HTR2C: variants seen among roughly 807,000 people sequenced by gnomAD.
The protein encoded by HTR2C is 5-hydroxytryptamine (serotonin) receptor 2C, G protein-coupled.
A neutral mutation model predicts 21.0 loss-of-function variants in HTR2C; 5 were observed. The ratio of observed to expected loss-of-function variants is 0.24; its 90% CI spans 0.12 to 0.50. The LOEUF (loss-of-function observed/expected upper bound fraction) is 0.50, where lower values mean the gene tolerates loss of function less well. Among genes scored for constraint, HTR2C ranks in the 20% least tolerant of loss-of-function variants. The probability of loss-of-function intolerance (pLI) is 0.98; values close to 1 mark genes in which losing one functional copy is unlikely to be tolerated. For missense variants in HTR2C, 271 were observed against 371.2 expected (o/e 0.73, Z 2.22); for synonymous variants, 150 against 145.3 (o/e 1.03, Z -0.23).
intron 2 of HTR2C, among the ~76,000 whole-genome samples, chrX:114,635,425 C>T (rs1311011268): frequency 9.0e-6 from 1 of 111,731 alleles, no homozygotes; most frequent in East Asian, 2.8e-4. Context: ...ATATGGTCTA[C>T]AGCGGATCAA....
chrX:114,675,445 A>G (rs1250189631), intron 2 of HTR2C, among the ~76,000 whole-genome samples: 3 of 112,267 alleles, frequency 2.7e-5, no homozygotes, highest in East Asian at 2.8e-4. Context: ...ATTTTCATCT[A>G]TGGAAGAATT....
chrX:114,586,923 G>T (rs1556389857), intron 1 of HTR2C, among the ~76,000 whole-genome samples: 2 of 111,239 alleles, frequency 1.8e-5, no homozygotes, highest in African/African-American at 6.5e-5. Context: ...ATTCTCAAAA[G>T]TTAATTTAAG....
intron 2 of HTR2C, among the ~76,000 whole-genome samples, chrX:114,689,208 G>GTGTGTATA (rs1556414750): frequency 5.5e-5 from 4 of 72,740 alleles, no homozygotes; most frequent in African/African-American, 2.2e-4. Context: ...GTATGTATGC[G>GTGTGTATA]TATATATATA....
intron 2 of HTR2C, among the ~76,000 whole-genome samples, chrX:114,725,161 G>C (rs868946983): frequency 6.2e-4 from 69 of 111,123 alleles, no homozygotes; most frequent in African/African-American, 2.0e-3. Flanking sequence ...ACCAATCAGA[G>C]GTAGATTTGG....
chrX:114,799,423 G>A (rs1454931110), intron 4 of HTR2C, among the ~76,000 whole-genome samples: 1 of 109,392 alleles, frequency 9.1e-6, no homozygotes, highest in Non-Finnish European at 1.9e-5. Context: ...GTTACAAAGA[G>A]TTAGCATGAA....
intron 5 of HTR2C, among the ~76,000 whole-genome samples, chrX:114,870,405 G>A (rs1362403046): frequency 1.8e-5 from 2 of 111,124 alleles, no homozygotes; most frequent in African/African-American, 6.5e-5. Flanking sequence ...TGATGTGTCT[G>A]TCTTTTTTTG....
chrX:114,706,464 A>T (rs1349658220), intron 2 of HTR2C, among the ~76,000 whole-genome samples: 4 of 104,329 alleles, frequency 3.8e-5, no homozygotes, highest in African/African-American at 1.4e-4. Context: ...AAGGAAAAAA[A>T]ACCAAACACC....
At chrX:114,899,078 G>A (rs782331611) in intron 5 of HTR2C, among the ~76,000 whole-genome samples, 6 of 111,946 alleles carry the variant, frequency 5.4e-5, no homozygotes, top group Non-Finnish European at 9.4e-5. Context: ...GCAGTGGTTT[G>A]TAGTTCTCCT....
At chrX:114,671,477 A>G (rs1028441818) in intron 2 of HTR2C, among the ~76,000 whole-genome samples, 25 of 111,837 alleles carry the variant, frequency 2.2e-4, no homozygotes, top group Non-Finnish European at 3.2e-4. Context: ...AATAGATTGA[A>G]AAACTCACAA....
At chrX:114,659,592 C>T (rs782766375) in intron 2 of HTR2C, among the ~76,000 whole-genome samples, 6 of 110,870 alleles carry the variant, frequency 5.4e-5, no homozygotes, top group Non-Finnish European at 9.5e-5. Flanking sequence ...AACTGTCAAA[C>T]GTTGGAAGAG....
chrX:114,678,383 C>T (rs1931637519), intron 2 of HTR2C, among the ~76,000 whole-genome samples: 1 of 110,622 alleles, frequency 9.0e-6, no homozygotes, highest in Non-Finnish European at 1.9e-5. Context: ...AACCTTCCCA[C>T]CTATATTCTT....
At chrX:114,730,187 T>C (rs1005813122) in intron 3 of HTR2C, among the ~76,000 whole-genome samples, 1 of 111,854 alleles carries the variant, frequency 8.9e-6, no homozygotes, top group Admixed American at 9.5e-5. Flanking sequence ...AGAATACTTA[T>C]GTACATAACT....
chrX:114,700,357 A>G (rs922408617), intron 2 of HTR2C, among the ~76,000 whole-genome samples: 32 of 111,994 alleles, frequency 2.9e-4, no homozygotes, highest in Non-Finnish European at 5.4e-4. Flanking sequence ...TCATTTTATT[A>G]TTGTTATTTT....
intron 2 of HTR2C, among the ~76,000 whole-genome samples, chrX:114,648,541 A>C (rs1930442545): frequency 9.0e-6 from 1 of 111,411 alleles, no homozygotes; most frequent in Non-Finnish European, 1.9e-5. Flanking sequence ...CAGCCTAGGC[A>C]ACATAATGAA....
rs1311674665 is a variant in HTR2C at position 114,743,872 on chromosome X, A to G, written c.349+12265A>G. Among the ~76,000 whole-genome samples, 4 of 112,201 alleles carry G rather than the reference A, an allele frequency of 3.6e-5. No individual in the cohort carries two copies. The Admixed American group carries it at 3.8e-4, about 11-fold the overall frequency. ...AAGTAATGAACTATTGATACACATA[A>G]TGACATGGAAGAATCCTAAAATAAT... On this transcript the variant is annotated intron_variant, in intron 4 of 5. Coordinates refer to ENST00000276198, the MANE Select transcript of HTR2C (RefSeq NM_000868.4).
At chrX:114,835,933 C>T (rs1218950849) in intron 4 of HTR2C, among the ~76,000 whole-genome samples, 3 of 108,618 alleles carry the variant, frequency 2.8e-5, no homozygotes, top group Non-Finnish European at 5.7e-5. Context: ...CAGACAGGAC[C>T]CTCAGCTGCA....
intron 4 of HTR2C, among the ~76,000 whole-genome samples, chrX:114,744,609 T>A (rs2069683722): frequency 9.1e-6 from 1 of 109,636 alleles, no homozygotes; most frequent in South Asian, 4.0e-4. Context: ...CCGGCCCTAA[T>A]GCCCGGCTAA....
chrX:114,700,728 A>G (rs1332462580), intron 2 of HTR2C, among the ~76,000 whole-genome samples: 1 of 112,428 alleles, frequency 8.9e-6, no homozygotes, highest in East Asian at 2.8e-4. Flanking sequence ...GGTGCAGCGC[A>G]CTGTGCGCGA....
At chrX:114,662,056 T>C (rs1931007554) in intron 2 of HTR2C, among the ~76,000 whole-genome samples, 1 of 111,740 alleles carries the variant, frequency 8.9e-6, no homozygotes, top group Admixed American at 9.6e-5. Flanking sequence ...TATTGGCAAT[T>C]GTCTTTTTAT....
Sources: gnomAD v4.1 joint callset for allele counts (sites outside exome capture counted in the v4.1 genomes callset) on GRCh38, gnomAD v4.1.1 for gene constraint, MANE v1.5 for transcripts, NCBI Gene and HGNC (gene_info 2026-07-23, HGNC 2026-07-21) for gene names.